AOPEP: variants seen among roughly 807,000 people sequenced by gnomAD.
AOPEP encodes the protein aminopeptidase O (putative).
In AOPEP, 77 loss-of-function variants were observed where a neutral mutation model predicts 98.1. The ratio of observed to expected loss-of-function variants is 0.78; its 90% confidence interval spans 0.65 to 0.95. AOPEP has a LOEUF of 0.95. Among genes scored for constraint, AOPEP ranks in the 40% least tolerant of loss-of-function variants. The pLI, the probability that AOPEP is intolerant of heterozygous loss-of-function variation, is 0.00. For missense variants in AOPEP, 1,024 were observed against 1,024.7 expected, an observed-to-expected ratio of 1.00 and a Z score of 0.01; for synonymous variants, 346 against 365.3, an observed-to-expected ratio of 0.95 and a Z score of 0.60.
the AOPEP span, among the ~76,000 whole-genome samples, chr9:95,138,025 C>T: frequency 1.3e-5 from 2 of 152,230 alleles, no homozygotes; most frequent in Non-Finnish European, 2.9e-5. Flanking sequence ...AGGCTGCCAA[C>T]GGGCAAGGCG....
Position 95,086,674 on chromosome 9 carries a change from C to T in AOPEP, c.*5-8C>T, listed in dbSNP as rs1325046013. On this transcript the variant is annotated splice_polypyrimidine_tract_variant and splice_region_variant and intron_variant, in intron 16 of 16. Coordinates refer to ENST00000375315, the MANE Select transcript of AOPEP (RefSeq NM_001193329.3). ...GGGTAATCAATGTTACTGCTGTTTC[C>T]TTTGCAGGAAAGACCACAGCAAGAT... is the stretch of plus-strand genomic sequence containing the variant. The T allele has an allele frequency of 1.4e-5, 14 of 988,216 alleles. No homozygotes were observed. The highest frequency in any genetic ancestry group is 1.7e-5 in the Non-Finnish European group (14 of 830,810). The allele number at this position is 988,216 out of a possible 1,614,324, so 61.2% of individuals were successfully genotyped here.
intron 14 of AOPEP, among the ~76,000 whole-genome samples, chr9:95,068,739 C>G (rs1319893610): frequency 6.6e-6 from 1 of 151,966 alleles, no homozygotes; most frequent in Non-Finnish European, 1.5e-5. Context: ...AGTTTTAGTT[C>G]TTTAGTCTCT....
intron 14 of AOPEP, among the ~76,000 whole-genome samples, chr9:95,067,545 G>A (rs967918729): frequency 2.0e-5 from 3 of 152,194 alleles, no homozygotes; most frequent in Non-Finnish European, 4.4e-5. Flanking sequence ...ACCAGCCAGC[G>A]CAAAGCTGAC....
At chr9:95,083,334 GCACAGCACA>G (rs1332689214) in intron 16 of AOPEP, among the ~76,000 whole-genome samples, 1 of 143,164 alleles carries the variant, frequency 7.0e-6, no homozygotes, top group Admixed American at 7.0e-5. Context: ...CACAGAGCAC[GCACAGCACA>G]CACCACACAG....
In AOPEP at chr9:94,801,018, G is replaced by A; in HGVS notation, c.1364+16G>A. 6.2e-7 allele frequency: 1 copy of A among 1,613,328 alleles called. No homozygotes were observed. The highest frequency in any genetic ancestry group is 8.5e-7 in the Non-Finnish European group (1 of 1,179,262). On this transcript the variant is annotated intron_variant, in intron 5 of 16. Coordinates refer to ENST00000375315, the MANE Select transcript of AOPEP (RefSeq NM_001193329.3). Reference sequence around the variant, plus strand: ...GGATGGCCAGGTATGTTGTTCCATTGTGGCACTTGGGGTACATACATTTTG... The same window carrying A: ...GGATGGCCAGGTATGTTGTTCCATTATGGCACTTGGGGTACATACATTTTG...
chr9:94,992,461 G>A (rs906074425), intron 11 of AOPEP, among the ~76,000 whole-genome samples: 5 of 152,226 alleles, frequency 3.3e-5, no homozygotes, highest in African/African-American at 1.2e-4. Flanking sequence ...GCAAGACAGC[G>A]TTACTTTAAA....
intron 5 of AOPEP, chr9:94,904,631 T>TTA (rs1182538232): frequency 3.3e-5 from 5 of 152,248 alleles, no homozygotes; most frequent in Non-Finnish European, 2.9e-5. Flanking sequence ...GATTAAATGA[T>TTA]TTCTAAAGTC....
At chr9:95,060,888 A>T (rs1587852092) in intron 14 of AOPEP, 78 bp downstream of exon 14, 1 of 886,338 alleles carries the variant, frequency 1.1e-6, no homozygotes, top group Non-Finnish European at 1.9e-6. Flanking sequence ...TGCAGTCCCA[A>T]ACTATTGAAA....
chr9:94,750,044 C>G (rs112445681), intron 1 of AOPEP, among the ~76,000 whole-genome samples: 3,467 of 152,292 alleles, frequency 0.023, 136 homozygotes, highest in African/African-American at 0.079. Flanking sequence ...AGACTTCTAA[C>G]TTTGCCTTTG....
intron 3 of AOPEP, among the ~76,000 whole-genome samples, chr9:94,781,515 A>T (rs1406771651): frequency 6.7e-6 from 1 of 149,202 alleles, no homozygotes; most frequent in Non-Finnish European, 1.5e-5. Context: ...GGTTTAGTAC[A>T]TTATTATTTT....
intron 13 of AOPEP, among the ~76,000 whole-genome samples, chr9:95,029,814 G>A (rs1587688342): frequency 6.6e-6 from 1 of 152,310 alleles, no homozygotes; most frequent in Middle Eastern, 3.4e-3. Flanking sequence ...CCAGGTGATA[G>A]TCTGGCCTCT....
At chr9:94,896,317 G>T (rs181199572) in intron 5 of AOPEP, among the ~76,000 whole-genome samples, 20 of 152,304 alleles carry the variant, frequency 1.3e-4, no homozygotes, top group Admixed American at 1.3e-3. Flanking sequence ...ATTATGGAAT[G>T]AATAAATAAG....
chr9:95,037,579 A>G (rs940418389), intron 13 of AOPEP, among the ~76,000 whole-genome samples: 5 of 152,206 alleles, frequency 3.3e-5, no homozygotes, highest in African/African-American at 1.2e-4. Context: ...TTGTGGCATA[A>G]AATAAAACAT....
chr9:94,931,595 C>T (rs1394354785), intron 7 of AOPEP: 1 of 675,174 alleles, frequency 1.5e-6, no homozygotes, highest in Admixed American at 2.8e-5. Context: ...TCAATGAGAC[C>T]TTGGGAAAGA....
At chr9:94,950,115 G>A (rs1196134282) in intron 7 of AOPEP, among the ~76,000 whole-genome samples, 1 of 152,164 alleles carries the variant, frequency 6.6e-6, no homozygotes, top group Non-Finnish European at 1.5e-5. Flanking sequence ...AGAAATTACT[G>A]TAGTAGTAGA....
chr9:95,111,495 G>C, the AOPEP span: 1 of 1,613,802 alleles, frequency 6.2e-7, no homozygotes, highest in Non-Finnish European at 8.5e-7. Flanking sequence ...CTCCCATCAC[G>C]GGGGCCGTAG....
At chr9:94,947,654 C>T (rs2057783725) in intron 7 of AOPEP, among the ~76,000 whole-genome samples, 1 of 152,176 alleles carries the variant, frequency 6.6e-6, no homozygotes, top group Admixed American at 6.5e-5. Context: ...TTTAATATGC[C>T]AAACACTGTC....
At chr9:94,901,863 C>T (rs905895257) in intron 5 of AOPEP, among the ~76,000 whole-genome samples, 9 of 151,898 alleles carry the variant, frequency 5.9e-5, no homozygotes, top group Non-Finnish European at 8.8e-5. Flanking sequence ...GAGCTGAGAT[C>T]GCGCCACTGC....
At chr9:95,021,841 C>G (rs1482708356) in intron 13 of AOPEP, 2 of 152,200 alleles carry the variant, frequency 1.3e-5, no homozygotes, top group Admixed American at 6.5e-5. Flanking sequence ...CAGGAGCCAT[C>G]CCAGGGAGAG....
Sources: gnomAD v4.1 joint callset for allele counts (sites outside exome capture counted in the v4.1 genomes callset) on GRCh38, gnomAD v4.1.1 for gene constraint, MANE v1.5 for transcripts, NCBI Gene and HGNC (gene_info 2026-07-23, HGNC 2026-07-21) for gene names.